Variants in KCTD1 observed in about 807,000 individuals in gnomAD.
KCTD1 encodes the protein BTB/POZ domain-containing protein KCTD1.
In KCTD1, 24 loss-of-function variants were observed where a neutral mutation model predicts 66.0. The observed-to-expected ratio is 0.36, with a 90% CI of 0.26 to 0.51. The LOEUF (loss-of-function observed/expected upper bound fraction) is 0.51, where lower values mean the gene tolerates loss of function less well. Among genes scored for constraint, KCTD1 ranks in the 20% least tolerant of loss-of-function variants. The probability of loss-of-function intolerance (pLI) is 0.95; values close to 1 mark genes in which losing one functional copy is unlikely to be tolerated. For synonymous variants in KCTD1, 511 were observed against 517.2 expected (o/e 0.99, Z 0.16); for missense variants, 943 against 1,205.2 (o/e 0.78, Z 3.22).
intron 1 of KCTD1, among the ~76,000 whole-genome samples, chr18:26,589,721 G>A (rs1986553601): frequency 6.6e-6 from 1 of 152,120 alleles, no homozygotes; most frequent in Non-Finnish European, 1.5e-5. Flanking sequence ...CCCCTCCCTA[G>A]CCCCAGTGGG....
At chr18:26,581,830 A>T (rs1986360695) in intron 1 of KCTD1, 1 of 152,174 alleles carries the variant, frequency 6.6e-6, no homozygotes, top group South Asian at 2.1e-4. Context: ...GTTTCATAAA[A>T]ATTTAAAAGA....
upstream of KCTD1, among the ~76,000 whole-genome samples, chr18:26,552,539 G>T (rs1985599067): frequency 6.6e-6 from 1 of 152,202 alleles, no homozygotes; most frequent in South Asian, 2.1e-4. Context: ...TAAAAATCAG[G>T]ACAAATAGTA....
intron 1 of KCTD1, among the ~76,000 whole-genome samples, chr18:26,636,995 C>T (rs953563648): frequency 4.6e-5 from 7 of 152,238 alleles, no homozygotes; most frequent in African/African-American, 1.7e-4. Context: ...AGCGGTGAAG[C>T]GGGGATTCCT....
upstream of KCTD1, among the ~76,000 whole-genome samples, chr18:26,633,277 T>A (rs997643958): frequency 6.6e-6 from 1 of 152,118 alleles, no homozygotes; most frequent in African/African-American, 2.4e-5. Context: ...TGAAATAAAG[T>A]AAAATTAAAT....
At position 26,546,611 on chromosome 18, in the gene KCTD1, T is replaced by G. The variant is rs1985232353; in HGVS notation, c.1809+117A>C. The G allele has an allele frequency of 4.2e-6, 5 of 1,200,302 alleles. No individual in the cohort carries two copies. In the South Asian group the frequency reaches 8.5e-5, roughly 20 times the overall value. 74.4% of individuals were successfully genotyped at this position (1,200,302 alleles called of 1,614,324 possible). On this transcript the variant is annotated intron_variant, in intron 1 of 4. Transcript: ENST00000580059. ...CTTCTAAGGGTGAAACGAAATCCGA[T>G]TCAGTACATTACCTACTTTTTAAAA... is the stretch of plus-strand genomic sequence containing the variant.
exon 1 of KCTD1, chr18:26,629,182 C>T: frequency 1.0e-6 from 1 of 985,336 alleles, no homozygotes; most frequent in Non-Finnish European, 1.2e-6. Context: ...CATCTGCACC[C>T]TCCGTCCCAG....
At position 26,548,404 on chromosome 18, in the gene KCTD1, G is replaced by A; in HGVS notation, c.133C>T (p.His45Tyr). 1 of 1,434,008 alleles carries A rather than the reference G, an allele frequency of 7.0e-7. No homozygotes were observed. Among genetic ancestry groups the A allele is most frequent in the Non-Finnish European group, 9.2e-7 (1 of 1,091,682 alleles). 88.8% of individuals were successfully genotyped at this position (1,434,008 alleles called of 1,614,324 possible). Residue 45 changes from histidine to tyrosine, a missense_variant, in exon 1 of 5, where the codon CAC (histidine) becomes TAC (tyrosine). Physicochemically the swap from His to Tyr is moderately conservative, Grantham distance 83. Coordinates refer to ENST00000580059, the MANE Select transcript of KCTD1 (RefSeq NM_001142730.3). ...ERGAGGRGRR[H>Y]SRPHYCSAGE... ...GCGCTGCAGTAGTGCGGACGGCTGT[G>A]GCGGCGGCCGCGGCCCCCCGCGCCG...
At chr18:26,569,908 C>T (rs750028637) in intron 1 of KCTD1, among the ~76,000 whole-genome samples, 5 of 152,070 alleles carry the variant, frequency 3.3e-5, no homozygotes, top group Admixed American at 1.3e-4. Flanking sequence ...TCACATAGGC[C>T]GGGTGCAGTG....
At chr18:26,537,204 C>A (rs1434310225) in intron 1 of KCTD1, among the ~76,000 whole-genome samples, 1 of 152,104 alleles carries the variant, frequency 6.6e-6, no homozygotes, top group Non-Finnish European at 1.5e-5. Context: ...TTCAGCAAGT[C>A]TCTTTTTTTT....
At chr18:26,510,694 G>A (rs1983286697) in intron 1 of KCTD1, among the ~76,000 whole-genome samples, 1 of 152,146 alleles carries the variant, frequency 6.6e-6, no homozygotes, top group African/African-American at 2.4e-5. Flanking sequence ...AAATGAACTT[G>A]AGAAAAATAA....
intron 1 of KCTD1, among the ~76,000 whole-genome samples, chr18:26,569,703 C>T (rs1986059517): frequency 6.6e-6 from 1 of 152,154 alleles, no homozygotes; most frequent in Admixed American, 6.5e-5. Flanking sequence ...ATTCCCAGCT[C>T]ACCTCGGGTT....
chr18:26,456,620 T>TA (rs1441320784), intron 4 of KCTD1: 1 of 152,020 alleles, frequency 6.6e-6, no homozygotes, highest in African/African-American at 2.4e-5. Flanking sequence ...GTAAGAAAAA[T>TA]AAAGATATTC....
chr18:26,632,599 T>C (rs922893117), upstream of KCTD1, among the ~76,000 whole-genome samples: 1 of 152,146 alleles, frequency 6.6e-6, no homozygotes, highest in African/African-American at 2.4e-5. Flanking sequence ...AAAATTAGAA[T>C]TAGTAAGAGA....
rs1338153704 is a variant in KCTD1 at position 26,527,493 on chromosome 18, G to A, written c.1809+19235C>T. Among the ~76,000 whole-genome samples the A allele has an allele frequency of 2.0e-3, 179 of 87,710 alleles. 1 individual carries two copies. Among genetic ancestry groups the A allele is most frequent in the African/African-American group, 9.6e-3 (160 of 16,714 alleles). 57.5% of individuals were successfully genotyped at this position (87,710 alleles called of 152,430 possible). A position where few individuals can be genotyped will look rare whatever the true frequency, so the allele number is the denominator to read the frequency against. ...AAAGAGGGCTACTGCAAAAAAAAAA[G>A]GGGGGGGGGCGTGGGAGGGATGACG... On this transcript the variant is annotated intron_variant, in intron 1 of 4. Coordinates refer to ENST00000580059, the MANE Select transcript of KCTD1 (RefSeq NM_001142730.3).
intron 1 of KCTD1, among the ~76,000 whole-genome samples, chr18:26,514,171 T>C (rs1237374269): frequency 5.9e-5 from 9 of 152,184 alleles, no homozygotes; most frequent in Admixed American, 3.9e-4. Context: ...GTGATGCTTT[T>C]AAAAAATAAA....
intron 1 of KCTD1, among the ~76,000 whole-genome samples, chr18:26,646,476 T>C (rs1246093453): frequency 6.6e-6 from 1 of 152,180 alleles, no homozygotes; most frequent in Non-Finnish European, 1.5e-5. Flanking sequence ...AAGATATAAT[T>C]TTCAGGTGTT....
chr18:26,609,902 T>C (rs772913028), intron 1 of KCTD1, among the ~76,000 whole-genome samples: 3 of 152,218 alleles, frequency 2.0e-5, no homozygotes, highest in Non-Finnish European at 4.4e-5. Context: ...ACACATAAAG[T>C]GTGTCAACTT....
At position 26,476,521 on chromosome 18, in the gene KCTD1, A is replaced by C; in HGVS notation, c.2127T>G (p.Asp709Glu). Residue 709 changes from aspartate to glutamate, a missense_variant, in exon 3 of 5, where the codon GAT becomes GAG. Coordinates refer to ENST00000580059, the MANE Select transcript of KCTD1 (RefSeq NM_001142730.3). This position sits in a 1 kb window ranked among gnomAD's most constrained non-coding sequence, Gnocchi z 4.9. ...TTTAACATGGATCCCTCACCTTGAA[A>C]TCATCAGGAATGAGGAGTTTGGATG... ...LRTSKLLIPD[D>E]FKDYTLLYEE... The C allele has an allele frequency of 1.2e-6, 2 of 1,607,608 alleles. No individual in the cohort carries two copies. Among genetic ancestry groups the C allele is most frequent in the Non-Finnish European group, 1.7e-6 (2 of 1,178,548 alleles).
intron 1 of KCTD1, among the ~76,000 whole-genome samples, chr18:26,603,319 G>T (rs747542962): frequency 1.2e-4 from 18 of 151,342 alleles, no homozygotes; most frequent in Non-Finnish European, 2.2e-4. Flanking sequence ...CTAGTCCCAC[G>T]TACTTGGGAG....
Sources: allele counts gnomAD v4.1 joint callset (sites outside exome capture counted in the v4.1 genomes callset), GRCh38; gene constraint gnomAD v4.1.1; non-coding constraint Gnocchi (gnomAD v3.1); transcripts MANE v1.5; gene names NCBI Gene and HGNC (gene_info 2026-07-23, HGNC 2026-07-21).